ITCH: variants seen among roughly 807,000 people sequenced by gnomAD.
ITCH encodes E3 ubiquitin-protein ligase Itchy homolog.
ITCH carries 28 observed loss-of-function variants against 126.8 expected under a neutral mutation model. The observed-to-expected ratio is 0.22, with a 90% CI of 0.16 to 0.30. The LOEUF (loss-of-function observed/expected upper bound fraction) is 0.30. Ranked by LOEUF, ITCH falls within the 10% of genes least tolerant of loss-of-function variation. The pLI is 1.00. For synonymous variants in ITCH, 342 were observed against 340.0 expected (o/e 1.01, Z -0.06); for missense variants, 631 against 1,032.4 (o/e 0.61, Z 5.33).
intron 7 of ITCH, among the ~76,000 whole-genome samples, chr20:34,436,184 C>T (rs1050945943): frequency 5.9e-5 from 9 of 152,274 alleles, no homozygotes; most frequent in African/African-American, 1.9e-4. Flanking sequence ...TTCCTTCTCC[C>T]TCACATATCC....
intron 3 of ITCH, among the ~76,000 whole-genome samples, chr20:34,405,397 T>C (rs1174616844): frequency 1.3e-5 from 2 of 151,900 alleles, no homozygotes; most frequent in African/African-American, 4.8e-5. Flanking sequence ...CCCAGCTGCT[T>C]GGGAGGCTGA....
intron 20 of ITCH, among the ~76,000 whole-genome samples, chr20:34,486,134 C>A (rs765849940): frequency 9.2e-5 from 14 of 152,064 alleles, no homozygotes; most frequent in Non-Finnish European, 1.2e-4. Context: ...CCCACCTCAG[C>A]CTTCCAGGTA....
chr20:34,388,248 C>T (rs1239920284), intron 2 of ITCH, among the ~76,000 whole-genome samples: 1 of 151,996 alleles, frequency 6.6e-6, no homozygotes, highest in Non-Finnish European at 1.5e-5. Flanking sequence ...TAGGCATGCA[C>T]CACTGCATCT....
rs1040534044 is a variant in ITCH, at chr20:34,377,818, C to T, written c.-22+8348C>T. Among the ~76,000 whole-genome samples, 23 of 151,244 alleles carry T rather than the reference C, an allele frequency of 1.5e-4. 1 individual carries two copies. Among genetic ancestry groups the T allele is most frequent in the African/African-American group, 5.1e-4 (21 of 41,132 alleles). On this transcript the variant is annotated intron_variant, in intron 2 of 24. Coordinates refer to ENST00000374864, the MANE Select transcript of ITCH (RefSeq NM_031483.7). The stretch of plus-strand genomic sequence containing the variant: ...GGAGGTCAAGACTGCAGTGATTTAC[C>T]TGTGATTGTATCACAGTACTCCAGC...
chr20:34,468,180 G>T (rs562966640), intron 14 of ITCH, among the ~76,000 whole-genome samples: 6 of 151,230 alleles, frequency 4.0e-5, no homozygotes, highest in Non-Finnish European at 7.4e-5. Context: ...GACTACAGAC[G>T]CCCGCCACCA....
chr20:34,470,098 A>T lies in ITCH; in HGVS notation c.1475A>T (p.Gln492Leu), dbSNP rs777586026. 3.1e-6 allele frequency: 5 copies of T among 1,613,818 alleles called. No individual in the cohort carries two copies. The change falls in exon 15 of 25, where the codon CAG becomes CTG. Residue 492 changes from glutamine (Q) to leucine (L), a missense_variant. Physicochemically the swap from Gln to Leu is moderately radical, Grantham distance 113 (BLOSUM62 -2). Transcript: ENST00000374864. ...AYVRDFKAKV[Q>L]YFRFWCQQLA... ...GTTCGGGACTTCAAAGCAAAGGTTC[A>T]GTATTTCCGGTTCTGGTGTCAGGTT...
intron 23 of ITCH, among the ~76,000 whole-genome samples, chr20:34,497,567 G>GTTGTTT (rs539473450): frequency 6.6e-6 from 1 of 152,018 alleles, no homozygotes; most frequent in Admixed American, 6.6e-5. Context: ...AATGTCATTG[G>GTTGTTT]TTGTTTTTGT....
intron 2 of ITCH, among the ~76,000 whole-genome samples, chr20:34,376,389 A>G (rs1039114127): frequency 4.6e-5 from 7 of 151,876 alleles, no homozygotes; most frequent in African/African-American, 1.5e-4. Flanking sequence ...CTGCACTGAT[A>G]TCATGTCACT....
chr20:34,481,310 C>T (rs1600460681), intron 20 of ITCH, 104 bp downstream of exon 20: 3 of 1,241,296 alleles, frequency 2.4e-6, no homozygotes, highest in Admixed American at 3.6e-5. Flanking sequence ...GTATTTGTCT[C>T]TGTACTAATC....
intron 2 of ITCH, among the ~76,000 whole-genome samples, chr20:34,392,476 A>G (rs1408599273): frequency 6.6e-6 from 1 of 152,224 alleles, no homozygotes; most frequent in Non-Finnish European, 1.5e-5. Flanking sequence ...TGGATTTTAT[A>G]GGGTTCATCT....
intron 10 of ITCH, among the ~76,000 whole-genome samples, chr20:34,443,813 C>T (rs1029580811): frequency 6.6e-6 from 1 of 151,890 alleles, no homozygotes; most frequent in Non-Finnish European, 1.5e-5. Context: ...AGTGAGACCC[C>T]ATCACTATAG....
chr20:34,439,323 T>C (rs951829130), intron 8 of ITCH, among the ~76,000 whole-genome samples: 8 of 152,242 alleles, frequency 5.3e-5, no homozygotes, highest in Non-Finnish European at 1.0e-4. Flanking sequence ...TCACCCAGAC[T>C]GGAATGTGGT....
At chr20:34,410,136 G>A (rs1386448411) in intron 4 of ITCH, among the ~76,000 whole-genome samples, 1 of 152,116 alleles carries the variant, frequency 6.6e-6, no homozygotes, top group Non-Finnish European at 1.5e-5. Flanking sequence ...GGGAGGCCAA[G>A]GTAGGAGGAT....
intron 7 of ITCH, among the ~76,000 whole-genome samples, chr20:34,425,853 G>T (rs1601870878): frequency 6.6e-6 from 1 of 152,204 alleles, no homozygotes; most frequent in Non-Finnish European, 1.5e-5. Flanking sequence ...GCTGGTGTGG[G>T]TCCTCACACG....
chr20:34,466,973 C>T (rs965810507), intron 14 of ITCH, among the ~76,000 whole-genome samples: 4 of 151,908 alleles, frequency 2.6e-5, no homozygotes, highest in Non-Finnish European at 4.4e-5. Context: ...AACAATGGAG[C>T]GCCCAAAGCT....
chr20:34,440,430 A>G (rs1287239779), intron 9 of ITCH, 86 bp downstream of exon 9: 2 of 987,520 alleles, frequency 2.0e-6, no homozygotes, highest in Non-Finnish European at 3.2e-6. Context: ...AGTAAACAAC[A>G]GTAAACTCCA....
At chr20:34,432,403 T>C (rs1288238812) in intron 7 of ITCH, among the ~76,000 whole-genome samples, 2 of 152,174 alleles carry the variant, frequency 1.3e-5, no homozygotes, top group Non-Finnish European at 2.9e-5. Flanking sequence ...TAAAGATCTC[T>C]TAAAAATAGG....
intron 16 of ITCH, among the ~76,000 whole-genome samples, chr20:34,473,571 G>T (rs1987850963): frequency 6.6e-6 from 1 of 152,214 alleles, no homozygotes; most frequent in African/African-American, 2.4e-5. Context: ...TTCTGTTATA[G>T]GCAGAGATTT....
intron 20 of ITCH, among the ~76,000 whole-genome samples, chr20:34,484,892 G>A (rs1336014645): frequency 6.6e-6 from 1 of 152,104 alleles, no homozygotes; most frequent in African/African-American, 2.4e-5. Context: ...GACCCAAATT[G>A]TGGAACTTTT....
Sources: gnomAD v4.1 joint callset for allele counts (sites outside exome capture counted in the v4.1 genomes callset) on GRCh38, gnomAD v4.1.1 for gene constraint, MANE v1.5 for transcripts, NCBI Gene and HGNC (gene_info 2026-07-23, HGNC 2026-07-21) for gene names.